CCDC91: variants seen among roughly 807,000 people sequenced by gnomAD.
The protein encoded by CCDC91 is coiled-coil domain containing 91, also known as coiled-coil domain-containing protein 91.
In CCDC91, 48 loss-of-function variants were observed where a neutral mutation model predicts 63.2. The observed-to-expected ratio is 0.76, with a 90% CI of 0.60 to 0.97. The LOEUF (loss-of-function observed/expected upper bound fraction) is 0.97, where lower values mean the gene tolerates loss of function less well. CCDC91 is among the 50% of genes least tolerant of loss of function. CCDC91 has a pLI of 0.00. For synonymous variants in CCDC91, 167 were observed against 165.8 expected (o/e 1.01, Z -0.06); for missense variants, 500 against 494.6 (o/e 1.01, Z -0.10).
At chr12:28,351,427 A>G (rs1399005742) in intron 6 of CCDC91, among the ~76,000 whole-genome samples, 1 of 152,222 alleles carries the variant, frequency 6.6e-6, no homozygotes, top group African/African-American at 2.4e-5. Flanking sequence ...ATGCTTTGCC[A>G]TCTAAGCCCA....
intron 1 of CCDC91, chr12:28,256,071 A>G (rs1946421668): frequency 6.6e-6 from 1 of 152,186 alleles, no homozygotes; most frequent in Non-Finnish European, 1.5e-5. Context: ...ACTATAATCA[A>G]CATTTGGGTA....
intron 6 of CCDC91, among the ~76,000 whole-genome samples, chr12:28,335,350 T>G (rs1460611491): frequency 7.8e-6 from 1 of 128,716 alleles, no homozygotes; most frequent in Non-Finnish European, 1.7e-5. Flanking sequence ...TTTATATATT[T>G]AAATATATAT....
chr12:28,390,455 G>T (rs1314962689), intron 7 of CCDC91, among the ~76,000 whole-genome samples: 3 of 152,016 alleles, frequency 2.0e-5, no homozygotes, highest in African/African-American at 7.2e-5. Flanking sequence ...TAAATAGCAT[G>T]AAAGATATTA....
chr12:28,380,689 A>G (rs1373414743), intron 7 of CCDC91, among the ~76,000 whole-genome samples: 3 of 152,222 alleles, frequency 2.0e-5, no homozygotes, highest in South Asian at 2.1e-4. Flanking sequence ...ACAGGTTTCT[A>G]TCTTCAGTAA....
chr12:28,249,205 G>A (rs1427910351), intron 1 of CCDC91, among the ~76,000 whole-genome samples: 1 of 152,136 alleles, frequency 6.6e-6, no homozygotes, highest in Non-Finnish European at 1.5e-5. Context: ...GGGTGTGTTG[G>A]GCAGCACTGT....
At chr12:28,331,773 T>G (rs1941534852) in intron 6 of CCDC91, among the ~76,000 whole-genome samples, 1 of 152,118 alleles carries the variant, frequency 6.6e-6, no homozygotes, top group Non-Finnish European at 1.5e-5. Flanking sequence ...TTGGGACACA[T>G]TTCTTAGGGC....
At chr12:28,371,608 A>G (rs1390897896) in intron 7 of CCDC91, among the ~76,000 whole-genome samples, 1 of 151,646 alleles carries the variant, frequency 6.6e-6, no homozygotes, top group African/African-American at 2.4e-5. Context: ...ATCAGTTAAG[A>G]AAAGAGAAGC....
chr12:28,206,133 C>T lies in CCDC91; in HGVS notation c.-15+15492C>T, dbSNP rs138652574. ...CCTTAAAGTCTTAGTTTGATTATGT[C>T]ACATTCAGCATGAGCAACTCCAGTT... On this transcript the variant is annotated intron_variant, in intron 1 of 12. Coordinates refer to ENST00000536442, the MANE Select transcript of CCDC91 (RefSeq NM_018318.5). Among the ~76,000 whole-genome samples, 312 of 152,276 alleles carry T rather than the reference C, an allele frequency of 2.0e-3. 2 individuals are homozygous for T. The highest frequency in any genetic ancestry group is 7.1e-3 in the African/African-American group (294 of 41,570).
At chr12:28,448,510 C>G (rs1253894026) in intron 8 of CCDC91, among the ~76,000 whole-genome samples, 1 of 152,126 alleles carries the variant, frequency 6.6e-6, no homozygotes, top group Admixed American at 6.5e-5. Flanking sequence ...AAATGACATT[C>G]AGGAATGAAT....
chr12:28,421,076 G>A (rs1947978677), intron 8 of CCDC91, among the ~76,000 whole-genome samples: 3 of 151,834 alleles, frequency 2.0e-5, no homozygotes, highest in Middle Eastern at 6.8e-3. Flanking sequence ...TCATCTTATT[G>A]TTCATGTTAT....
At position 28,499,118 on chromosome 12, in the gene CCDC91, CTTGAG is replaced by C. The variant is rs564133104; in HGVS notation, c.1215+14956_1215+14960del. Among the ~76,000 whole-genome samples the C allele has an allele frequency of 1.7e-4, 26 of 151,626 alleles. No homozygotes were observed. The East Asian group carries it at 1.8e-3, about 10-fold the overall frequency. On this transcript the variant is annotated intron_variant, in intron 12 of 12. Transcript: ENST00000536442. ...AAGCTTTTATGGTCAGTTTTATGAACTTGAGTTATTTCAAGTCTTCTCTTAAGAAA... is the reference window on the plus strand; with the variant it reads ...AAGCTTTTATGGTCAGTTTTATGAACTTATTTCAAGTCTTCTCTTAAGAAA...
intron 11 of CCDC91, among the ~76,000 whole-genome samples, chr12:28,480,929 T>C (rs1951411354): frequency 6.6e-6 from 1 of 152,036 alleles, no homozygotes; most frequent in African/African-American, 2.4e-5. Context: ...GTAGATTTAA[T>C]GGATGCTAAA....
intron 5 of CCDC91, among the ~76,000 whole-genome samples, 184 bp downstream of exon 5, chr12:28,307,129 A>G (rs1938824103): frequency 1.3e-5 from 2 of 152,094 alleles, no homozygotes; most frequent in South Asian, 2.1e-4. Context: ...TTACATATGT[A>G]CTTTTAAAGA....
At chr12:28,394,230 G>C (rs1331573467) in intron 8 of CCDC91, among the ~76,000 whole-genome samples, 3 of 152,134 alleles carry the variant, frequency 2.0e-5, no homozygotes, top group African/African-American at 4.8e-5. Context: ...ACTTTGGGAG[G>C]CCACGGCGGG....
At chr12:28,482,269 G>A (rs1165893664) in intron 11 of CCDC91, among the ~76,000 whole-genome samples, 1 of 146,294 alleles carries the variant, frequency 6.8e-6, no homozygotes, top group Non-Finnish European at 1.6e-5. Flanking sequence ...AAAAGCAGAT[G>A]CTGAATAGTT....
chr12:28,433,877 G>T (rs1325318245), intron 8 of CCDC91, among the ~76,000 whole-genome samples: 1 of 151,866 alleles, frequency 6.6e-6, no homozygotes, highest in Admixed American at 6.6e-5. Context: ...TCATTCATCA[G>T]AGCTTTGTAG....
intron 3 of CCDC91, among the ~76,000 whole-genome samples, chr12:28,273,445 C>T (rs1947938493): frequency 6.6e-6 from 1 of 152,218 alleles, no homozygotes; most frequent in Non-Finnish European, 1.5e-5. Flanking sequence ...AACTAGTTTA[C>T]AGTCCCACTA....
At chr12:28,210,668 A>G (rs1354277101) in intron 1 of CCDC91, among the ~76,000 whole-genome samples, 1 of 152,112 alleles carries the variant, frequency 6.6e-6, no homozygotes, top group Non-Finnish European at 1.5e-5. Flanking sequence ...GTTCTTATAA[A>G]TTTTTTATTA....
intron 3 of CCDC91, among the ~76,000 whole-genome samples, chr12:28,266,909 C>A (rs534098590): frequency 1.3e-5 from 2 of 151,060 alleles, no homozygotes; most frequent in African/African-American, 2.5e-5. Context: ...GGAAATAAAA[C>A]AAAATTTAGA....
Sources: allele counts gnomAD v4.1 joint callset (sites outside exome capture counted in the v4.1 genomes callset), GRCh38; gene constraint gnomAD v4.1.1; transcripts MANE v1.5; gene names NCBI Gene and HGNC (gene_info 2026-07-23, HGNC 2026-07-21).